ACSL5: variants seen among roughly 807,000 people sequenced by gnomAD.
The protein encoded by ACSL5 is long-chain-fatty-acid--CoA ligase 5.
In ACSL5, 50 loss-of-function variants were observed where a neutral mutation model predicts 84.9. That is an observed-to-expected ratio of 0.59 (90% CI 0.47 to 0.75). The LOEUF (loss-of-function observed/expected upper bound fraction) is 0.75. ACSL5 is among the 30% of genes least tolerant of loss of function. The pLI, the probability that ACSL5 is intolerant of heterozygous loss-of-function variation, is 0.00. For missense variants in ACSL5, 775 were observed against 830.4 expected, an observed-to-expected ratio of 0.93 and a Z score of 0.82; for synonymous variants, 280 against 300.7, an observed-to-expected ratio of 0.93 and a Z score of 0.71.
chr10:112,404,232 T>C (rs577834776), intron 3 of ACSL5, among the ~76,000 whole-genome samples: 18 of 152,376 alleles, frequency 1.2e-4, no homozygotes, highest in African/African-American at 4.3e-4. Context: ...ATGGATGGCT[T>C]TCTCTGAATG....
chr10:112,421,700 G>A, intron 15 of ACSL5, 35 bp downstream of exon 15: 1 of 1,585,508 alleles, frequency 6.3e-7, no homozygotes, highest in South Asian at 1.1e-5. Flanking sequence ...GAGGTGCCAT[G>A]GTTGGGAGAA....
At chr10:112,415,195 T>TG (rs1844286050) in intron 12 of ACSL5, among the ~76,000 whole-genome samples, 1 of 152,214 alleles carries the variant, frequency 6.6e-6, no homozygotes, top group Non-Finnish European at 1.5e-5. Flanking sequence ...AATGTATTTT[T>TG]TTTTTGTTTT....
In ACSL5 at chr10:112,398,355, G is replaced by A. The variant is rs1312348230; in HGVS notation, c.157-546G>A. Among the ~76,000 whole-genome samples the A allele has an allele frequency of 1.3e-5, 2 of 148,914 alleles. 1 individual carries two copies. Among genetic ancestry groups the A allele is most frequent in the African/African-American group, 4.9e-5 (2 of 40,424 alleles). Reference sequence around the variant, plus strand: ...GCTGGGATTACAGGCGTGAGCCACCGCGCCCGGCCACAGATCCACTTTTCT... The same window carrying A: ...GCTGGGATTACAGGCGTGAGCCACCACGCCCGGCCACAGATCCACTTTTCT... On this transcript the variant is annotated intron_variant, in intron 2 of 20. Transcript: ENST00000354655.
At chr10:112,408,667 A>T in intron 6 of ACSL5, 146 bp downstream of exon 6, 1 of 618,322 alleles carries the variant, frequency 1.6e-6, no homozygotes, top group Admixed American at 2.7e-5. Context: ...CTAGTTTTGT[A>T]GTACTTAGGA....
At chr10:112,378,466 C>G (rs1376061760) in intron 1 of ACSL5, among the ~76,000 whole-genome samples, 1 of 151,982 alleles carries the variant, frequency 6.6e-6, no homozygotes, top group Non-Finnish European at 1.5e-5. Flanking sequence ...AGGCTGGTCT[C>G]AAACTCCTGA....
intron 16 of ACSL5, 32 bp from the exon 17 acceptor site, chr10:112,422,293 T>A (rs752588920): frequency 3.2e-6 from 5 of 1,584,612 alleles, no homozygotes; most frequent in Non-Finnish European, 4.3e-6. Context: ...CAGCCTTTGC[T>A]ATTGTCACCG....
At chr10:112,384,542 C>G (rs1342875587) in intron 1 of ACSL5, among the ~76,000 whole-genome samples, 2 of 152,114 alleles carry the variant, frequency 1.3e-5, no homozygotes, top group Non-Finnish European at 2.9e-5. Flanking sequence ...GAGTCTTGCT[C>G]TGTTGCCCTG....
intron 1 of ACSL5, among the ~76,000 whole-genome samples, chr10:112,384,812 C>T (rs761241512): frequency 1.3e-5 from 2 of 152,150 alleles, no homozygotes; most frequent in Non-Finnish European, 2.9e-5. Flanking sequence ...ACACTGCACC[C>T]GACCTCCATC....
Position 112,411,894 on chromosome 10 carries a change from C to A in ACSL5, c.871-8C>A, listed in dbSNP as rs774796605. 8.1e-6 allele frequency: 13 copies of A among 1,612,268 alleles called. No individual in the cohort carries two copies. Among genetic ancestry groups the A allele is most frequent in the Middle Eastern group, 1.7e-4 (1 of 6,058 alleles). On this transcript the variant is annotated splice_region_variant and splice_polypyrimidine_tract_variant and intron_variant, in intron 10 of 20. Coordinates refer to ENST00000354655, the MANE Select transcript of ACSL5 (RefSeq NM_203379.2). Reference sequence around the variant, plus strand: ...TGTTGCCTCCTCTTACTTCCCTGGCCTACATAGCATGCTTATGAGCCCACT... The same window carrying A: ...TGTTGCCTCCTCTTACTTCCCTGGCATACATAGCATGCTTATGAGCCCACT...
At chr10:112,419,755 A>G (rs1051856377) in intron 14 of ACSL5, 4 of 152,212 alleles carry the variant, frequency 2.6e-5, no homozygotes, top group African/African-American at 4.8e-5. Context: ...AAAATTTCCA[A>G]TGTTTTTATA....
chr10:112,420,040 C>G (rs865969352), intron 14 of ACSL5: 1 of 152,148 alleles, frequency 6.6e-6, no homozygotes, highest in Non-Finnish European at 1.5e-5. Context: ...CTCATGAGTC[C>G]CCTATCTGTA....
chr10:112,396,177 T>C (rs1843742575), intron 2 of ACSL5: 1 of 152,256 alleles, frequency 6.6e-6, no homozygotes, highest in South Asian at 2.1e-4. Flanking sequence ...GACTTCTTTC[T>C]TGAAACTCCT....
intron 2 of ACSL5, among the ~76,000 whole-genome samples, chr10:112,396,968 T>G (rs1018725523): frequency 1.6e-4 from 24 of 152,204 alleles, no homozygotes; most frequent in African/African-American, 5.8e-4. Flanking sequence ...CCTGTACTTT[T>G]ATAGCTCTCA....
intron 10 of ACSL5, 131 bp downstream of exon 10, chr10:112,411,660 A>G: frequency 1.1e-6 from 1 of 937,982 alleles, no homozygotes; most frequent in South Asian, 1.6e-5. Flanking sequence ...TAAAGGCTGG[A>G]GTGTGGACAA....
At chr10:112,425,596 A>G (rs1218006873) in intron 18 of ACSL5, 115 bp downstream of exon 18, 5 of 129,858 alleles carry the variant, frequency 3.9e-5, no homozygotes, top group African/African-American at 2.9e-4. Context: ...TTATAAAACT[A>G]AAAAAAAAAA....
At chr10:112,377,030 G>T (rs1397321165) in intron 1 of ACSL5, among the ~76,000 whole-genome samples, 2 of 145,312 alleles carry the variant, frequency 1.4e-5, no homozygotes, top group Non-Finnish European at 3.0e-5. Flanking sequence ...GCACTGGAAA[G>T]GGACTCTACC....
intron 14 of ACSL5, among the ~76,000 whole-genome samples, chr10:112,421,205 C>T (rs2133660572): frequency 6.6e-6 from 1 of 152,320 alleles, no homozygotes; most frequent in Admixed American, 6.5e-5. Flanking sequence ...GTCACCCAGG[C>T]TGGAGTACAA....
chr10:112,417,721 C>T (rs1844351254), intron 13 of ACSL5, 125 bp from the exon 14 acceptor site: 4 of 753,412 alleles, frequency 5.3e-6, no homozygotes, highest in East Asian at 5.1e-5. Context: ...TGTAAATTAA[C>T]GTGAGAATTG....
At chr10:112,384,980 C>G (rs1849422003) in intron 1 of ACSL5, among the ~76,000 whole-genome samples, 1 of 152,150 alleles carries the variant, frequency 6.6e-6, no homozygotes, top group African/African-American at 2.4e-5. Flanking sequence ...GATCGACTTT[C>G]TTTTTTAAAA....
Sources: allele counts gnomAD v4.1 joint callset (sites outside exome capture counted in the v4.1 genomes callset), GRCh38; gene constraint gnomAD v4.1.1; transcripts MANE v1.5; gene names NCBI Gene and HGNC (gene_info 2026-07-23, HGNC 2026-07-21).